Variants in NLGN1 observed in about 807,000 individuals in gnomAD.
NLGN1 encodes neuroligin-1.
A neutral mutation model predicts 65.5 loss-of-function variants in NLGN1; 12 were observed. The observed-to-expected ratio is 0.18, with a 90% CI of 0.12 to 0.30. NLGN1 has a LOEUF of 0.30. Among genes scored for constraint, NLGN1 ranks in the 10% least tolerant of loss-of-function variants. The probability of loss-of-function intolerance (pLI) is 1.00; values close to 1 mark genes in which losing one functional copy is unlikely to be tolerated. For missense variants in NLGN1, 750 were observed against 1,007.1 expected (o/e 0.74, Z 3.46); for synonymous variants, 350 against 359.5 (o/e 0.97, Z 0.30).
chr3:174,292,699 AGGAATTG>A, the NLGN1 span, among the ~76,000 whole-genome samples: 1 of 151,670 alleles, frequency 6.6e-6, no homozygotes, highest in South Asian at 2.1e-4. Context: ...TAATAAAAGA[AGGAATTG>A]TTGTATTATA....
chr3:173,642,046 A>G (rs1025800765), intron 3 of NLGN1, among the ~76,000 whole-genome samples: 9 of 150,168 alleles, frequency 6.0e-5, no homozygotes, highest in African/African-American at 2.0e-4. Context: ...CTCTTTCTCC[A>G]TATATATATA....
chr3:173,527,658 A>G (rs1735884147), intron 2 of NLGN1, among the ~76,000 whole-genome samples: 1 of 152,136 alleles, frequency 6.6e-6, no homozygotes, highest in South Asian at 2.1e-4. Flanking sequence ...CGGCCTCCCA[A>G]AGTGCTGGGA....
intron 4 of NLGN1, among the ~76,000 whole-genome samples, chr3:174,254,088 C>T (rs111758593): frequency 1.1e-4 from 16 of 152,222 alleles, no homozygotes; most frequent in South Asian, 4.2e-4. Flanking sequence ...ATCCCCTTGG[C>T]GTTGGTAAAC....
intron 3 of NLGN1, among the ~76,000 whole-genome samples, chr3:173,689,207 A>G (rs908888809): frequency 6.6e-6 from 1 of 152,158 alleles, no homozygotes; most frequent in African/African-American, 2.4e-5. Context: ...TATCCTGGAC[A>G]TGTGGGACTG....
chr3:173,845,608 A>ATAGG lies in NLGN1; in HGVS notation c.646+37779_646+37780insGTAG, dbSNP rs775252936. Reference sequence around the variant, plus strand: ...GATAGACAGATAGGTAGGTGGATGGATAGATAGATAGATAGATAGATAGAT... The same window carrying ATAGG: ...GATAGACAGATAGGTAGGTGGATGGATAGGTAGATAGATAGATAGATAGATAGAT... On this transcript the variant is annotated intron_variant, in intron 4 of 6. Coordinates refer to ENST00000457714, the Ensembl canonical transcript of NLGN1. Among the ~76,000 whole-genome samples, 129 of 95,416 alleles carry ATAGG rather than the reference A, an allele frequency of 1.4e-3. 1 individual carries two copies. Among genetic ancestry groups the ATAGG allele is most frequent in the Admixed American group, 6.9e-3 (66 of 9,554 alleles). 62.6% of individuals were successfully genotyped at this position (95,416 alleles called of 152,430 possible).
chr3:174,218,546 C>T (rs779463386), intron 4 of NLGN1, among the ~76,000 whole-genome samples: 7 of 152,002 alleles, frequency 4.6e-5, no homozygotes, highest in Admixed American at 1.3e-4. Context: ...AGAACCTCAC[C>T]TCATAATGGT....
chr3:173,901,649 C>G (rs1737406795), intron 4 of NLGN1, among the ~76,000 whole-genome samples: 1 of 151,976 alleles, frequency 6.6e-6, no homozygotes, highest in South Asian at 2.1e-4. Context: ...TAATATCTCT[C>G]TTTGTGGTAC....
chr3:174,019,231 G>A (rs190508027), intron 4 of NLGN1, among the ~76,000 whole-genome samples: 2 of 152,170 alleles, frequency 1.3e-5, no homozygotes, highest in African/African-American at 2.4e-5. Context: ...TTCATGTATT[G>A]GAAACTTAAT....
At chr3:173,704,142 C>T (rs1216220368) in intron 3 of NLGN1, among the ~76,000 whole-genome samples, 1 of 152,142 alleles carries the variant, frequency 6.6e-6, no homozygotes, top group Non-Finnish European at 1.5e-5. Flanking sequence ...AATTGTTAGC[C>T]AGTGCAAAAA....
chr3:174,257,283 AAAG>A (rs1209863927), intron 4 of NLGN1, among the ~76,000 whole-genome samples: 5 of 152,168 alleles, frequency 3.3e-5, no homozygotes, highest in African/African-American at 1.2e-4. Flanking sequence ...TGTGAAGAAA[AAAG>A]AATGCTTTTA....
intron 4 of NLGN1, among the ~76,000 whole-genome samples, chr3:174,214,670 C>T (rs1737285952): frequency 6.6e-6 from 1 of 152,012 alleles, no homozygotes; most frequent in South Asian, 2.1e-4. Flanking sequence ...AGTTAAAATT[C>T]TCCATATTAT....
intron 4 of NLGN1, among the ~76,000 whole-genome samples, chr3:173,997,629 A>G (rs1722532809): frequency 6.6e-6 from 1 of 152,130 alleles, no homozygotes; most frequent in South Asian, 2.1e-4. Context: ...TGAGGAAGGT[A>G]GTATTATCAC....
At chr3:173,957,687 C>T (rs1282109267) in intron 4 of NLGN1, among the ~76,000 whole-genome samples, 1 of 152,202 alleles carries the variant, frequency 6.6e-6, no homozygotes, top group Non-Finnish European at 1.5e-5. Context: ...AAGGAATACA[C>T]CTTACTAATA....
At chr3:173,415,867 C>A (rs1358491491) in intron 1 of NLGN1, among the ~76,000 whole-genome samples, 1 of 145,358 alleles carries the variant, frequency 6.9e-6, no homozygotes, top group Admixed American at 6.9e-5. Context: ...GAGAACTCTA[C>A]CTGTGGAACA....
intron 2 of NLGN1, among the ~76,000 whole-genome samples, chr3:173,469,119 A>G (rs1431161064): frequency 6.6e-6 from 1 of 152,178 alleles, no homozygotes; most frequent in African/African-American, 2.4e-5. Flanking sequence ...TACTTATTTT[A>G]AATAATACAC....
chr3:173,475,586 C>A (rs1576870333), intron 2 of NLGN1, among the ~76,000 whole-genome samples: 1 of 152,198 alleles, frequency 6.6e-6, no homozygotes, highest in East Asian at 1.9e-4. Flanking sequence ...TTTTTGGGAG[C>A]AAATACTTCA....
rs537825085 is a variant in NLGN1 at position 173,831,204 on chromosome 3, G to A, written c.646+23372G>A. ...CATTCATCTGTTGATGGACACTTAG[G>A]TTGCTTCCAAATTTAATCCCTCATA... On this transcript the variant is annotated intron_variant, in intron 4 of 6. Coordinates refer to ENST00000457714, the Ensembl canonical transcript of NLGN1. 2.0e-5 allele frequency among the ~76,000 whole-genome samples: 3 copies of A among 151,732 alleles called. No homozygotes were observed. In the South Asian group the frequency reaches 6.2e-4, roughly 32 times the overall value.
intron 2 of NLGN1, among the ~76,000 whole-genome samples, chr3:173,546,804 C>T (rs1739928182): frequency 6.6e-6 from 1 of 152,122 alleles, no homozygotes; most frequent in South Asian, 2.1e-4. Flanking sequence ...GCAGTGTCCA[C>T]CAATGTTCTA....
intron 2 of NLGN1, among the ~76,000 whole-genome samples, chr3:173,550,675 G>C (rs1740691150): frequency 3.3e-5 from 1 of 30,144 alleles, no homozygotes; most frequent in Non-Finnish European, 5.9e-5. Context: ...ACTTACTGAA[G>C]TTAATTTTAC....
Sources: allele counts gnomAD v4.1 joint callset (sites outside exome capture counted in the v4.1 genomes callset), GRCh38; gene constraint gnomAD v4.1.1; transcripts MANE v1.5; gene names NCBI Gene and HGNC (gene_info 2026-07-23, HGNC 2026-07-21).